FBXO41: variants seen among roughly 807,000 people sequenced by gnomAD.
FBXO41 encodes F-box only protein 41.
A neutral mutation model predicts 81.6 loss-of-function variants in FBXO41; 33 were observed. That is an observed-to-expected ratio of 0.40 (90% CI 0.31 to 0.54). FBXO41 has a LOEUF of 0.54. FBXO41 is among the 20% of genes least tolerant of loss of function. The probability of loss-of-function intolerance (pLI) is 0.39; values close to 1 mark genes in which losing one functional copy is unlikely to be tolerated. For missense variants in FBXO41, 1,107 were observed against 1,236.0 expected (o/e 0.90, Z 1.56); for synonymous variants, 576 against 552.7 (o/e 1.04, Z -0.59).
At position 73,257,568 on chromosome 2, in the gene FBXO41, G is replaced by A. The variant is rs943991340; in HGVS notation, c.*1414C>T. On this transcript the variant is annotated 3_prime_UTR_variant, in exon 13 of 13. Transcript: ENST00000520530. This position sits in a 1 kb window ranked among gnomAD's most constrained non-coding sequence, Gnocchi z 4.6. ...CTGGGAGCTGATCCTATCTAGGAGA[G>A]AAAGAAACCCTAAGATAGATCTAGT... 1 of 152,210 alleles carries A rather than the reference G, an allele frequency of 6.6e-6. No individual in the cohort carries two copies. The highest frequency in any genetic ancestry group is 2.4e-5 in the African/African-American group (1 of 41,438). The allele number at this position is 152,210 out of a possible 1,614,324, so 9.4% of individuals were successfully genotyped here.
Position 73,266,885 on chromosome 2 carries a change from A to C in FBXO41, c.906-203T>G, listed in dbSNP as rs1037036129. On this transcript the variant is annotated intron_variant, in intron 2 of 12. Coordinates refer to ENST00000520530, the MANE Select transcript of FBXO41 (RefSeq NM_001371389.2). This position sits in a 1 kb window ranked among gnomAD's most constrained non-coding sequence, Gnocchi z 5.3. ...GAAATGCATGCATGCACTCCGAGCC[A>C]CACACTCACACCCCACCCACCTGGC... 4 of 708,216 alleles carry C rather than the reference A, an allele frequency of 5.6e-6. No individual in the cohort carries two copies. The highest frequency in any genetic ancestry group is 5.6e-5 in the African/African-American group (3 of 53,410). The allele number at this position is 708,216 out of a possible 1,614,324, so 43.9% of individuals were successfully genotyped here.
chr2:73,260,687 G>T lies in FBXO41; in HGVS notation c.2290+53C>A. ...CTGTGGGATTTCACAAGGCAGCACT[G>T]CACCCATGCCTGCTTCCCACTACCC... On this transcript the variant is annotated intron_variant, in intron 10 of 12. Coordinates refer to ENST00000520530, the MANE Select transcript of FBXO41 (RefSeq NM_001371389.2). This position sits in a 1 kb window ranked among gnomAD's most constrained non-coding sequence, Gnocchi z 5.0. The T allele has an allele frequency of 6.6e-7, 1 of 1,512,558 alleles. No individual in the cohort carries two copies. The highest frequency in any genetic ancestry group is 2.5e-5 in the East Asian group (1 of 40,536). 93.7% of individuals were successfully genotyped at this position (1,512,558 alleles called of 1,614,324 possible). A position where few individuals can be genotyped will look rare whatever the true frequency, so the allele number is the denominator to read the frequency against.
At chr2:73,271,978 T>G (rs1430786323) in intron 1 of FBXO41, among the ~76,000 whole-genome samples, 1 of 152,200 alleles carries the variant, frequency 6.6e-6, no homozygotes, top group Non-Finnish European at 1.5e-5. Flanking sequence ...CTGTGTTACT[T>G]GCACCCAGAA....
rs370034444 is a variant in FBXO41 at position 73,265,518 on chromosome 2, C to A, written c.1328G>T (p.Arg443Leu). The stretch of plus-strand genomic sequence containing the variant: ...TGAGCCCCCGTTGGCAGCCTGGGCC[C>A]GTGTGCCCAAGCCCCCAGGGCCACT... ...EDSGPGGLGT[R>L]AQAANGGSER... Residue 443 changes from arginine (R) to leucine (L), a missense_variant, in exon 5 of 13, where the codon CGG (arginine) becomes CTG (leucine). Physicochemically the swap from Arg to Leu is moderately radical, Grantham distance 102 (BLOSUM62 -2). Coordinates refer to ENST00000520530, the MANE Select transcript of FBXO41 (RefSeq NM_001371389.2). 6.3e-7 allele frequency: 1 copy of A among 1,595,256 alleles called. No individual in the cohort carries two copies. The highest frequency in any genetic ancestry group is 8.5e-7 in the Non-Finnish European group (1 of 1,173,078).
At chr2:73,283,837 C>A (rs760239746) in intron 1 of FBXO41, among the ~76,000 whole-genome samples, 13 of 152,128 alleles carry the variant, frequency 8.5e-5, no homozygotes, top group Non-Finnish European at 1.6e-4. Context: ...TCCCCTCCCC[C>A]CTCCCTCTGG....
At chr2:73,263,890 A>G in intron 7 of FBXO41, 48 bp downstream of exon 7, 5 of 1,613,900 alleles carry the variant, frequency 3.1e-6, no homozygotes, top group Non-Finnish European at 3.4e-6. Flanking sequence ...ACTTAATTCC[A>G]GGTCTGTGGC....
chr2:73,263,103 T>C (rs1484817004), intron 9 of FBXO41, 110 bp downstream of exon 9: 2 of 836,826 alleles, frequency 2.4e-6, no homozygotes, highest in African/African-American at 3.5e-5. Context: ...TTAATGTGTG[T>C]GGATCTGTCC....
intron 2 of FBXO41, among the ~76,000 whole-genome samples, chr2:73,267,250 G>C (rs1036982453): frequency 6.6e-6 from 1 of 152,170 alleles, no homozygotes; most frequent in Non-Finnish European, 1.5e-5. Context: ...TCATGTTCCA[G>C]CTTGGGCATG....
rs776092967 is a variant in FBXO41 at position 73,266,661 on chromosome 2, C to T, written c.927G>A (p.Gln309=). The T allele has an allele frequency of 1.9e-6, 3 of 1,595,286 alleles. No individual in the cohort carries two copies. Among genetic ancestry groups the T allele is most frequent in the South Asian group, 2.3e-5 (2 of 88,882 alleles). ...CCCGCGCCGCCGTCTCCTTCAGGAA[C>T]TGGTCGATCTGCACCACCTCCCTGG... The part of the protein sequence containing the change: ...RKQQEVVQID[Q]FLKETAAREA... Residue 309 remains glutamine, a synonymous_variant, in exon 3 of 13, where the codon CAG becomes CAA. Transcript: ENST00000520530. The surrounding 1 kb of genome is among the most constrained non-coding windows in gnomAD (Gnocchi z 5.3).
rs1574395322 is a variant in FBXO41, at chr2:73,282,932, T to C, written c.-139+1228A>G. Among the ~76,000 whole-genome samples the C allele has an allele frequency of 2.6e-5, 4 of 152,200 alleles. No individual in the cohort carries two copies. In the South Asian group the frequency reaches 8.3e-4, roughly 32 times the overall value. On this transcript the variant is annotated intron_variant, in intron 1 of 12. Transcript: ENST00000520530. The stretch of plus-strand genomic sequence containing the variant: ...ATGGCATCTTCTCTCTTCATCCCAC[T>C]TGGCCTTCAGGGCCCAACAGTTCTT...
Position 73,255,113 on chromosome 2 carries a change from G to T in FBXO41, c.*3869C>A, listed in dbSNP as rs934570338. 5.9e-5 allele frequency: 9 copies of T among 152,704 alleles called. No homozygotes were observed. Among genetic ancestry groups the T allele is most frequent in the African/African-American group, 2.2e-4 (9 of 41,472 alleles). 9.5% of individuals were successfully genotyped at this position (152,704 alleles called of 1,614,324 possible). ...CAAGCCTGGGTCACCTCAGGCCTCT[G>T]CCCTGGATACAAGACCCTTGTCAGG... On this transcript the variant is annotated 3_prime_UTR_variant, in exon 13 of 13. Coordinates refer to ENST00000520530, the MANE Select transcript of FBXO41 (RefSeq NM_001371389.2).
Position 73,278,948 on chromosome 2 carries a change from A to G in FBXO41, c.-139+5212T>C, listed in dbSNP as rs576094680. The stretch of plus-strand genomic sequence containing the variant: ...GGCATGGGGCAGGTGCTCATGGGGT[A>G]GTGTTTGTAGAATGAATGAATGGCA... On this transcript the variant is annotated intron_variant, in intron 1 of 12. Transcript: ENST00000520530. Among the ~76,000 whole-genome samples the G allele has an allele frequency of 2.6e-5, 4 of 152,318 alleles. No homozygotes were observed. In the South Asian group the frequency reaches 8.3e-4, roughly 32 times the overall value.
intron 6 of FBXO41, 27 bp from the exon 7 acceptor site, chr2:73,264,080 A>G: frequency 6.4e-7 from 1 of 1,567,752 alleles, no homozygotes; most frequent in Non-Finnish European, 8.7e-7. Context: ...GGACATTTGG[A>G]GATGAAGGGG....
intron 1 of FBXO41, among the ~76,000 whole-genome samples, chr2:73,281,927 C>T (rs1688857226): frequency 6.6e-6 from 1 of 152,222 alleles, no homozygotes; most frequent in Non-Finnish European, 1.5e-5. Flanking sequence ...CATTGTGTTC[C>T]TTCTGATTGA....
chr2:73,260,422 G>A lies in FBXO41; in HGVS notation c.2416C>T (p.Pro806Ser), dbSNP rs1687964660. The change falls in exon 11 of 13, where the codon CCC becomes TCC. Residue 806 changes from proline to serine, a missense_variant. Pro to Ser is a moderately conservative substitution (Grantham distance 74). This residue lies in a region of FBXO41 where 336 missense variants were observed against 446.7 expected (regional missense o/e 0.75). Transcript: ENST00000520530. This position sits in a 1 kb window ranked among gnomAD's most constrained non-coding sequence, Gnocchi z 5.0. ...GLEMLVLTATPVTPKALLHFN... is the reference protein window; with the variant it reads ...GLEMLVLTATSVTPKALLHFN... ...TGCAGTAGGGCCTTAGGGGTGACGG[G>A]AGTCGCCGTGAGCACCAGCATCTCC... The A allele has an allele frequency of 6.2e-7, 1 of 1,611,530 alleles. No homozygotes were observed. The highest frequency in any genetic ancestry group is 8.5e-7 in the Non-Finnish European group (1 of 1,178,994).
At position 73,257,798 on chromosome 2, in the gene FBXO41, C is replaced by T. The variant is rs887710262; in HGVS notation, c.*1184G>A. 6.6e-6 allele frequency: 1 copy of T among 152,382 alleles called. No individual in the cohort carries two copies. The highest frequency in any genetic ancestry group is 1.5e-5 in the Non-Finnish European group (1 of 68,180). 9.4% of individuals were successfully genotyped at this position (152,382 alleles called of 1,614,324 possible). A position where few individuals can be genotyped will look rare whatever the true frequency, so the allele number is the denominator to read the frequency against. ...AAGTGGCTCCAGCTCAGGTCCAGCA[C>T]TTCCCCTAGGCAGAAGACCCCAATG... On this transcript the variant is annotated 3_prime_UTR_variant, in exon 13 of 13. Coordinates refer to ENST00000520530, the MANE Select transcript of FBXO41 (RefSeq NM_001371389.2). This position sits in a 1 kb window ranked among gnomAD's most constrained non-coding sequence, Gnocchi z 4.6.
Position 73,264,505 on chromosome 2 carries a change from C to T in FBXO41, c.1579G>A (p.Gly527Ser). The T allele has an allele frequency of 6.2e-7, 1 of 1,613,722 alleles. No homozygotes were observed. Among genetic ancestry groups the T allele is most frequent in the South Asian group, 1.1e-5 (1 of 91,076 alleles). ...SCRLSARPEGGSGRGRRAERV... is the reference protein window; with the variant it reads ...SCRLSARPEGSSGRGRRAERV... Reference sequence around the variant, plus strand: ...TCTGCTCGCCGACCCCGCCCACTGCCTCCCTCGGGGCGGGCTGCAGAATAC... The same window carrying T: ...TCTGCTCGCCGACCCCGCCCACTGCTTCCCTCGGGGCGGGCTGCAGAATAC... Residue 527 changes from glycine to serine, a missense_variant, in exon 6 of 13, where the codon GGC becomes AGC. Physicochemically the swap from Gly to Ser is moderately conservative, Grantham distance 56. Coordinates refer to ENST00000520530, the MANE Select transcript of FBXO41 (RefSeq NM_001371389.2).
In FBXO41 at chr2:73,260,861, G is replaced by A. The variant is rs758859272; in HGVS notation, c.2172-3C>T. The A allele has an allele frequency of 1.9e-6, 3 of 1,553,592 alleles. No individual in the cohort carries two copies. Among genetic ancestry groups the A allele is most frequent in the African/African-American group, 2.7e-5 (2 of 73,444 alleles). ...TACTGAAGCGTGTGGGCTGCTGGCT[G>A]GAGAATGGGAAGGGGGAGCCGTCAG... On this transcript the variant is annotated splice_region_variant and splice_polypyrimidine_tract_variant and intron_variant, in intron 9 of 12. Coordinates refer to ENST00000520530, the MANE Select transcript of FBXO41 (RefSeq NM_001371389.2). This position sits in a 1 kb window ranked among gnomAD's most constrained non-coding sequence, Gnocchi z 5.0.
At position 73,262,739 on chromosome 2, in the gene FBXO41, CTATT is replaced by C. The variant is rs770741983; in HGVS notation, c.2171+470_2171+473del. On this transcript the variant is annotated intron_variant, in intron 9 of 12. Coordinates refer to ENST00000520530, the MANE Select transcript of FBXO41 (RefSeq NM_001371389.2). The stretch of plus-strand genomic sequence containing the variant: ...TGACCCCAGGTCTGATTTTATTTAT[CTATT>C]TATTTATTTATTTATTTATTAGACG... Among the ~76,000 whole-genome samples, 788 of 152,084 alleles carry C rather than the reference CTATT, an allele frequency of 5.2e-3. 5 individuals carry two copies. The highest frequency in any genetic ancestry group is 0.014 in the Middle Eastern group (4 of 294).
Sources: gnomAD v4.1 joint callset for allele counts (sites outside exome capture counted in the v4.1 genomes callset) on GRCh38, gnomAD v4.1.1 for gene constraint, gnomAD v4.1.1 regional missense constraint, Gnocchi (gnomAD v3.1) non-coding constraint, MANE v1.5 for transcripts, NCBI Gene and HGNC (gene_info 2026-07-23, HGNC 2026-07-21) for gene names.